Variants in C5orf22 observed in about 807,000 individuals in gnomAD.
C5orf22 encodes chromosome 5 open reading frame 22.
In C5orf22, 36 loss-of-function variants were observed where a neutral mutation model predicts 48.7. The observed-to-expected ratio is 0.74, with a 90% confidence interval of 0.57 to 0.98. The LOEUF (loss-of-function observed/expected upper bound fraction) is 0.98. Among genes scored for constraint, C5orf22 ranks in the 50% least tolerant of loss-of-function variants. The pLI, the probability that C5orf22 is intolerant of heterozygous loss-of-function variation, is 0.00. For missense variants in C5orf22, 486 were observed against 521.9 expected (o/e 0.93, Z 0.67); for synonymous variants, 141 against 180.8 (o/e 0.78, Z 1.76).
chr5:31,540,454 A>G (rs890221130), intron 4 of C5orf22, among the ~76,000 whole-genome samples: 1 of 152,046 alleles, frequency 6.6e-6, no homozygotes, highest in African/African-American at 2.4e-5. Flanking sequence ...TTGACATTCT[A>G]CCTCCAGTAT....
rs1272108460 is a variant in C5orf22 at position 31,554,032 on chromosome 5, C to T, written c.*1130C>T. On this transcript the variant is annotated 3_prime_UTR_variant, in exon 9 of 9. Transcript: ENST00000325366. ...GATATAAACTGTCTTCCACCACCCCCCTCATAACTAAGACATCCTTCCTGA... is the reference window on the plus strand; with the variant it reads ...GATATAAACTGTCTTCCACCACCCCTCTCATAACTAAGACATCCTTCCTGA... The T allele has an allele frequency of 5.3e-5, 8 of 152,156 alleles. No homozygotes were observed. Among genetic ancestry groups the T allele is most frequent in the Admixed American group, 5.2e-4 (8 of 15,274 alleles). 9.4% of individuals were successfully genotyped at this position (152,156 alleles called of 1,614,324 possible).
intron 7 of C5orf22, among the ~76,000 whole-genome samples, chr5:31,546,194 C>T (rs1742871164): frequency 6.6e-6 from 1 of 152,208 alleles, no homozygotes; most frequent in Non-Finnish European, 1.5e-5. Context: ...TATCTGAATG[C>T]TATGGCCAAA....
chr5:31,537,114 A>T (rs1742143994), intron 3 of C5orf22, among the ~76,000 whole-genome samples: 1 of 152,216 alleles, frequency 6.6e-6, no homozygotes, highest in African/African-American at 2.4e-5. Flanking sequence ...GTATATGTGA[A>T]ATAGTAGTAG....
intron 8 of C5orf22, among the ~76,000 whole-genome samples, chr5:31,552,396 A>G (rs1344803394): frequency 4.6e-5 from 7 of 152,212 alleles, no homozygotes; most frequent in African/African-American, 1.4e-4. Flanking sequence ...CACACACATA[A>G]TAAAAGATGT....
At position 31,538,465 on chromosome 5, in the gene C5orf22, T is replaced by C. The variant is rs1190721635; in HGVS notation, c.583T>C (p.Cys195Arg). ...EDSENTASTN[C>R]DSSSEGLEKD... ...TTCGGAAAACACTGCCTCTACTAAC[T>C]GTGACTCTTCTTCAGAAGGACTGGA... is the stretch of plus-strand genomic sequence containing the variant. The change falls in exon 4 of 9, where the codon TGT becomes CGT. Residue 195 changes from cysteine to arginine, a missense_variant. Cys to Arg is a radical substitution (Grantham distance 180). This residue lies in a region of C5orf22 where 408 missense variants were observed against 444.0 expected (regional missense o/e 0.92). Coordinates refer to ENST00000325366, the MANE Select transcript of C5orf22 (RefSeq NM_018356.3). 6.2e-7 allele frequency: 1 copy of C among 1,614,194 alleles called. No homozygotes were observed. The highest frequency in any genetic ancestry group is 8.5e-7 in the Non-Finnish European group (1 of 1,180,028).
chr5:31,535,025 A>G (rs1392152866), intron 2 of C5orf22: 2 of 454,106 alleles, frequency 4.4e-6, no homozygotes, highest in Admixed American at 2.4e-5. Context: ...TGGTTGAAAT[A>G]TATGATGAAG....
At chr5:31,537,787 G>T (rs918349819) in intron 3 of C5orf22, among the ~76,000 whole-genome samples, 1 of 152,200 alleles carries the variant, frequency 6.6e-6, no homozygotes, top group African/African-American at 2.4e-5. Flanking sequence ...TTAAACAAGA[G>T]AGTTTATTCT....
intron 6 of C5orf22, among the ~76,000 whole-genome samples, chr5:31,542,193 G>A (rs1742507210): frequency 6.6e-6 from 1 of 151,936 alleles, no homozygotes; most frequent in Non-Finnish European, 1.5e-5. Context: ...GCTCACGCCT[G>A]TAATCCCAGC....
chr5:31,532,807 G>GT (rs1741670304), intron 1 of C5orf22, among the ~76,000 whole-genome samples: 1 of 152,056 alleles, frequency 6.6e-6, no homozygotes. Flanking sequence ...TGGCTTCCAA[G>GT]TATCTCCTGG....
At chr5:31,539,172 G>A (rs911259805) in intron 4 of C5orf22, among the ~76,000 whole-genome samples, 3 of 152,064 alleles carry the variant, frequency 2.0e-5, no homozygotes, top group African/African-American at 4.8e-5. Flanking sequence ...TATTTACATA[G>A]GATTTACACT....
rs558847315 is a variant in C5orf22, at chr5:31,553,153, GTTTT to G, written c.*259_*262del. On this transcript the variant is annotated 3_prime_UTR_variant, in exon 9 of 9. Transcript: ENST00000325366. Reference sequence around the variant, plus strand: ...TTCCTTAAGTATTTTTTAGGGTTTTGTTTTTTTTTTTGTTTGTTTGTTTGTTTGT... The same window carrying G: ...TTCCTTAAGTATTTTTTAGGGTTTTGTTTTTTTGTTTGTTTGTTTGTTTGT... 9.0e-4 allele frequency: 236 copies of G among 263,668 alleles called. No individual in the cohort carries two copies. The highest frequency in any genetic ancestry group is 1.4e-3 in the East Asian group (17 of 12,112). 16.3% of individuals were successfully genotyped at this position (263,668 alleles called of 1,614,324 possible).
chr5:31,547,539 A>G (rs1167416685), intron 7 of C5orf22, among the ~76,000 whole-genome samples: 2 of 152,246 alleles, frequency 1.3e-5, no homozygotes, highest in East Asian at 3.8e-4. Context: ...CTGGGCATCC[A>G]GGTGTTTCCA....
rs543552226 is a variant in C5orf22 at position 31,539,246 on chromosome 5, T to C, written c.807+557T>C. Among the ~76,000 whole-genome samples, 14 of 152,336 alleles carry C rather than the reference T, an allele frequency of 9.2e-5. No homozygotes were observed. In the South Asian group the frequency reaches 2.5e-3, roughly 27 times the overall value. ...TATATGAGAGGGTATGCATATGTTA[T>C]ATGCAAATACTACACTATTTTATGT... On this transcript the variant is annotated intron_variant, in intron 4 of 8. Transcript: ENST00000325366.
chr5:31,532,345 C>G lies in C5orf22; in HGVS notation c.-48C>G, dbSNP rs765871531. ...GGATGAGGCGCCGGCTTTCCCGGGT[C>G]TTCTCCAGCTGCCACCGCTTTACTG... On this transcript the variant is annotated 5_prime_UTR_variant, in exon 1 of 9. Coordinates refer to ENST00000325366, the MANE Select transcript of C5orf22 (RefSeq NM_018356.3). The G allele has an allele frequency of 5.0e-6, 8 of 1,594,616 alleles. No individual in the cohort carries two copies. Among genetic ancestry groups the G allele is most frequent in the Non-Finnish European group, 6.0e-6 (7 of 1,162,714 alleles).
At chr5:31,548,428 G>C (rs1743030872) in intron 7 of C5orf22, 1 of 324,320 alleles carries the variant, frequency 3.1e-6, no homozygotes, top group African/African-American at 2.2e-5. Flanking sequence ...ACATCTCTAG[G>C]GCAGGGGCAA....
rs1743484302 is a variant in C5orf22, at chr5:31,554,617, GATT to G, written c.*1719_*1721del. 1 of 152,020 alleles carries G rather than the reference GATT, an allele frequency of 6.6e-6. No individual in the cohort carries two copies. The highest frequency in any genetic ancestry group is 2.4e-5 in the African/African-American group (1 of 41,368). The allele number at this position is 152,020 out of a possible 1,614,324, so 9.4% of individuals were successfully genotyped here. On this transcript the variant is annotated 3_prime_UTR_variant, in exon 9 of 9. Transcript: ENST00000325366. ...TAGAGCTTATAGACATTACTTTTAT[GATT>G]ATTTTGCGTGCTAAATAAGTTAAAG... is the stretch of plus-strand genomic sequence containing the variant.
chr5:31,552,873 G>A lies in C5orf22; in HGVS notation c.1300G>A (p.Val434Met), dbSNP rs1743372989. The A allele has an allele frequency of 1.2e-6, 2 of 1,613,884 alleles. No individual in the cohort carries two copies. The highest frequency in any genetic ancestry group is 2.2e-5 in the South Asian group (2 of 91,072). Residue 434 changes from valine (V) to methionine (M), a missense_variant, in exon 9 of 9, where the codon GTG (valine) becomes ATG (methionine). Val to Met is a conservative substitution (Grantham distance 21). Around this residue, in one of 3 missense-constraint regions of C5orf22, gnomAD observed 408 missense variants for 444.0 expected, o/e 0.92. Coordinates refer to ENST00000325366, the MANE Select transcript of C5orf22 (RefSeq NM_018356.3). ...RALYGNLDLQ[V>M]YAAESPPS ...CCTCTATGGAAATCTAGACCTCCAA[G>A]TGTATGCAGCAGAGTCTCCTCCATC... is the stretch of plus-strand genomic sequence containing the variant.
chr5:31,534,376 T>C lies in C5orf22; in HGVS notation c.186T>C (p.Asn62=), dbSNP rs1334735602. The C allele has an allele frequency of 6.2e-7, 1 of 1,613,792 alleles. No individual in the cohort carries two copies. Among genetic ancestry groups the C allele is most frequent in the South Asian group, 1.1e-5 (1 of 90,956 alleles). The change falls in exon 2 of 9, where the codon AAT becomes AAC. Residue 62 remains asparagine (N), a synonymous_variant. Coordinates refer to ENST00000325366, the MANE Select transcript of C5orf22 (RefSeq NM_018356.3). ...DSHPDLLIPV[N]MPADTVFDKE... is the part of the protein sequence containing the mutation. Reference sequence around the variant, plus strand: ...ATCCAGACCTCCTTATTCCTGTGAATATGCCAGCAGACACCGTGTTTGATA... The same window carrying C: ...ATCCAGACCTCCTTATTCCTGTGAACATGCCAGCAGACACCGTGTTTGATA...
intron 4 of C5orf22, among the ~76,000 whole-genome samples, chr5:31,540,231 T>A (rs1742368638): frequency 6.6e-6 from 1 of 152,210 alleles, no homozygotes; most frequent in Non-Finnish European, 1.5e-5. Flanking sequence ...GCACTGAAGA[T>A]ATGCCACAAC....
Sources: allele counts gnomAD v4.1 joint callset (sites outside exome capture counted in the v4.1 genomes callset), GRCh38; gene constraint gnomAD v4.1.1; regional missense constraint gnomAD v4.1.1; transcripts MANE v1.5; gene names NCBI Gene and HGNC (gene_info 2026-07-23, HGNC 2026-07-21).